Variants in NPHP4 observed in about 807,000 individuals in gnomAD.
NPHP4 encodes the protein nephrocystin-4.
In NPHP4, 151 loss-of-function variants were observed where a neutral mutation model predicts 155.8. That is an observed-to-expected ratio of 0.97 (90% CI 0.85 to 1.11). NPHP4 has a LOEUF of 1.11. NPHP4 is among the 50% of genes least tolerant of loss of function. The pLI is 0.00. For missense variants in NPHP4, 1,956 were observed against 1,925.7 expected (o/e 1.02, Z -0.29); for synonymous variants, 845 against 816.8 (o/e 1.03, Z -0.59).
rs1219590803 is a variant in NPHP4, at chr1:5,864,235, C to G, written c.3996+103G>C. 4 of 1,245,784 alleles carry G rather than the reference C, an allele frequency of 3.2e-6. No homozygotes were observed. In the African/African-American group the frequency reaches 6.0e-5, roughly 19 times the overall value. 77.2% of individuals were successfully genotyped at this position (1,245,784 alleles called of 1,614,324 possible). On this transcript the variant is annotated intron_variant, in intron 28 of 29. Coordinates refer to ENST00000378156, the MANE Select transcript of NPHP4 (RefSeq NM_015102.5). Reference sequence around the variant, plus strand: ...TGCACCCGGCCCTGCTGGGTCAGAACACTGTATCCAGTGGTCCGAGTCACA... The same window carrying G: ...TGCACCCGGCCCTGCTGGGTCAGAAGACTGTATCCAGTGGTCCGAGTCACA...
In NPHP4 at chr1:5,907,113, AC is replaced by A; in HGVS notation, c.1611+1del. The A allele has an allele frequency of 2.7e-6, 4 of 1,507,926 alleles. 1 individual carries two copies. In the South Asian group the frequency reaches 5.2e-5, roughly 20 times the overall value. 93.4% of individuals were successfully genotyped at this position (1,507,926 alleles called of 1,614,324 possible). A position where few individuals can be genotyped will look rare whatever the true frequency, so the allele number is the denominator to read the frequency against. Reference sequence around the variant, plus strand: ...GCAAGGCGGCAGGTGGGCGGCACTTACTGCCTGGGCCGGGGAGGCCTGAGAG... The same window carrying A: ...GCAAGGCGGCAGGTGGGCGGCACTTATGCCTGGGCCGGGGAGGCCTGAGAG... On this transcript the variant is annotated splice_donor_variant, in intron 13 of 29. Transcript: ENST00000378156. LOFTEE classifies it high-confidence loss of function.
Position 5,947,173 on chromosome 1 carries a change from G to A in NPHP4, c.1050C>T (p.Gly350=), listed in dbSNP as rs1367350631. Residue 350 remains glycine, a synonymous_variant, in exon 9 of 30, where the codon GGC becomes GGT. Transcript: ENST00000378156. ...RSRLRLPEMV[G]HPAFAVIFQL... is the part of the protein sequence containing the mutation. ...GGAAGATGACCGCAAATGCAGGGTG[G>A]CCGACCATCTCTGGGAGGCGGAGGC... is the stretch of plus-strand genomic sequence containing the variant. 2.0e-5 allele frequency: 32 copies of A among 1,613,838 alleles called. No homozygotes were observed. Among genetic ancestry groups the A allele is most frequent in the East Asian group, 2.2e-5 (1 of 44,890 alleles).
At chr1:5,984,438 G>A (rs888832734) in intron 2 of NPHP4, among the ~76,000 whole-genome samples, 6 of 152,222 alleles carry the variant, frequency 3.9e-5, no homozygotes, top group African/African-American at 1.4e-4. Flanking sequence ...GGAGGCTGAG[G>A]AAGGAGGATC....
chr1:5,883,814 G>A (rs1643525843), intron 18 of NPHP4, among the ~76,000 whole-genome samples: 1 of 152,200 alleles, frequency 6.6e-6, no homozygotes, highest in South Asian at 2.1e-4. Flanking sequence ...TTTTAAGCCT[G>A]TACTATGCAC....
chr1:5,933,446 A>G, intron 9 of NPHP4, 117 bp from the exon 10 acceptor site: 1 of 785,754 alleles, frequency 1.3e-6, no homozygotes, highest in Non-Finnish European at 2.1e-6. Context: ...AGCAAGGGGC[A>G]GGGATCATCA....
intron 11 of NPHP4, among the ~76,000 whole-genome samples, chr1:5,923,149 C>T (rs1557744263): frequency 6.6e-6 from 1 of 152,206 alleles, no homozygotes; most frequent in Non-Finnish European, 1.5e-5. Context: ...GTAGCACACA[C>T]AGCTAGAAGA....
At chr1:5,949,236 G>C (rs10864284) in intron 7 of NPHP4, among the ~76,000 whole-genome samples, 35,397 of 151,924 alleles carry the variant, frequency 0.23, 5,040 homozygotes, top group African/African-American at 0.4. Context: ...ACGGATGTTG[G>C]TGTTTCAATC....
chr1:5,914,260 A>C (rs1462466786), intron 11 of NPHP4, among the ~76,000 whole-genome samples: 38 of 124,060 alleles, frequency 3.1e-4, no homozygotes, highest in African/African-American at 1.4e-3. Flanking sequence ...ATCTATACAA[A>C]AAAAAAAAAA....
intron 1 of NPHP4, among the ~76,000 whole-genome samples, chr1:5,987,095 C>G (rs1557898199): frequency 6.6e-6 from 1 of 151,972 alleles, no homozygotes; most frequent in Non-Finnish European, 1.5e-5. Flanking sequence ...GTTGGTCACC[C>G]CACGACACTT....
intron 2 of NPHP4, among the ~76,000 whole-genome samples, chr1:5,985,191 T>C (rs527949842): frequency 1.3e-5 from 2 of 152,352 alleles, no homozygotes; most frequent in South Asian, 4.1e-4. Context: ...ACTGAATATA[T>C]GTGAATATCA....
At chr1:5,967,411 TCAGAAGGAAAGC>T in intron 4 of NPHP4, 48 bp from the exon 5 acceptor site, 1 of 1,474,832 alleles carries the variant, frequency 6.8e-7, no homozygotes. Flanking sequence ...TGCGCACTTC[TCAGAAGGAAAGC>T]ACATGGAGGC....
chr1:5,900,936 A>C (rs1644647193), intron 16 of NPHP4, among the ~76,000 whole-genome samples: 1 of 152,022 alleles, frequency 6.6e-6, no homozygotes, highest in African/African-American at 2.4e-5. Context: ...TGTGGGGGCT[A>C]AGGTGGGAGG....
intron 16 of NPHP4, among the ~76,000 whole-genome samples, chr1:5,899,188 C>A (rs998168106): frequency 1.3e-5 from 2 of 152,172 alleles, no homozygotes; most frequent in Non-Finnish European, 2.9e-5. Flanking sequence ...AGGCATATCT[C>A]TAACACAACG....
intron 18 of NPHP4, 146 bp downstream of exon 18, chr1:5,887,140 G>C (rs1279837162): frequency 2.7e-6 from 2 of 750,536 alleles, no homozygotes; most frequent in South Asian, 1.9e-5. Flanking sequence ...AAGGACACAG[G>C]CTCCATGGCC....
chr1:5,979,626 A>T (rs1570742000), intron 2 of NPHP4, among the ~76,000 whole-genome samples: 2 of 152,052 alleles, frequency 1.3e-5, no homozygotes, highest in South Asian at 4.1e-4. Flanking sequence ...AGGCTCAAGC[A>T]ATCCTCCTGC....
At chr1:5,894,724 T>A in intron 16 of NPHP4, among the ~76,000 whole-genome samples, 1 of 150,826 alleles carries the variant, frequency 6.6e-6, no homozygotes. Flanking sequence ...ATACCAAAAA[T>A]CAAGGAGAAA....
At chr1:5,942,964 T>C (rs1028745469) in intron 9 of NPHP4, among the ~76,000 whole-genome samples, 2 of 152,194 alleles carry the variant, frequency 1.3e-5, no homozygotes, top group African/African-American at 4.8e-5. Context: ...CCCTGTTGCA[T>C]TTCATGCTCA....
intron 16 of NPHP4, among the ~76,000 whole-genome samples, chr1:5,903,609 A>C (rs4908936): frequency 0.15 from 23,328 of 151,324 alleles, 1,986 homozygotes; most frequent in Non-Finnish European, 0.2. Context: ...ACCCGAAGAA[A>C]AAAAAAGTCA....
chr1:5,961,848 G>A lies in NPHP4; in HGVS notation c.619C>T (p.Leu207=), dbSNP rs765514910. 3.9e-5 allele frequency: 63 copies of A among 1,613,666 alleles called. No individual in the cohort carries two copies. The highest frequency in any genetic ancestry group is 6.7e-5 in the Admixed American group (4 of 59,976). The change falls in exon 6 of 30, where the codon CTG becomes TTG. Residue 207 remains leucine, a synonymous_variant. Coordinates refer to ENST00000378156, the MANE Select transcript of NPHP4 (RefSeq NM_015102.5). The part of the protein sequence containing the change: ...PAFHLLPENL[L]VSGLQQIPGL... ...GGTATCTGCTGCAGACCAGACACCA[G>A]AAGGTTCTCAGGAAGAAGGTGGAAC...
Sources: gnomAD v4.1 joint callset for allele counts (sites outside exome capture counted in the v4.1 genomes callset) on GRCh38, gnomAD v4.1.1 for gene constraint, MANE v1.5 for transcripts, NCBI Gene and HGNC (gene_info 2026-07-23, HGNC 2026-07-21) for gene names.